The following XYLT1 variants were observed in gnomAD, a reference collection of about 807,000 sequenced individuals.
XYLT1 encodes the protein xylosyltransferase 1, also known as beta-D-xylosyltransferase 1.
In XYLT1, 36 loss-of-function variants were observed where a neutral mutation model predicts 91.3. The ratio of observed to expected loss-of-function variants is 0.39; its 90% CI spans 0.30 to 0.52. The LOEUF is 0.52. Ranked by LOEUF, XYLT1 falls within the 20% of genes least tolerant of loss-of-function variation. The pLI, the probability that XYLT1 is intolerant of heterozygous loss-of-function variation, is 0.68. For synonymous variants in XYLT1, 588 were observed against 532.0 expected, an observed-to-expected ratio of 1.11 and a Z score of -1.45; for missense variants, 1,242 against 1,284.5, an observed-to-expected ratio of 0.97 and a Z score of 0.51.
intron 6 of XYLT1, among the ~76,000 whole-genome samples, chr16:17,145,156 A>G (rs2031099054): frequency 6.6e-6 from 1 of 152,234 alleles, no homozygotes; most frequent in Non-Finnish European, 1.5e-5. Context: ...TTTGCTTCGC[A>G]TAATGTTTTC....
At chr16:17,131,344 A>G (rs1289187813) in intron 9 of XYLT1, among the ~76,000 whole-genome samples, 1 of 152,240 alleles carries the variant, frequency 6.6e-6, no homozygotes, top group Non-Finnish European at 1.5e-5. Context: ...ATCATCATCT[A>G]CAGGAATGCA....
rs1178102941 is a variant in XYLT1 at position 17,425,018 on chromosome 16, AC to A, written c.363+45415del. On this transcript the variant is annotated intron_variant, in intron 1 of 11. Coordinates refer to ENST00000261381, the MANE Select transcript of XYLT1 (RefSeq NM_022166.4). The stretch of plus-strand genomic sequence containing the variant: ...GTAACCTCCTGTGGCATCAGCCTCC[AC>A]CCTTGAACTTGGCTCCAGCCTCATT... Among the ~76,000 whole-genome samples the A allele has an allele frequency of 3.3e-5, 5 of 152,118 alleles. No homozygotes were observed. In the East Asian group the frequency reaches 7.7e-4, roughly 24 times the overall value.
intron 1 of XYLT1, among the ~76,000 whole-genome samples, chr16:17,421,612 T>A (rs186602767): frequency 2.0e-5 from 3 of 152,132 alleles, no homozygotes; most frequent in Admixed American, 2.0e-4. Flanking sequence ...TGATGCTACC[T>A]GGAGAGAAAC....
At chr16:17,470,319 C>T in intron 1 of XYLT1, 115 bp downstream of exon 1, 1 of 1,160,448 alleles carries the variant, frequency 8.6e-7, no homozygotes, top group Non-Finnish European at 1.1e-6. Flanking sequence ...GATGTGGAGT[C>T]GGTAGGCTTG....
intron 3 of XYLT1, among the ~76,000 whole-genome samples, chr16:17,226,303 T>G (rs998107316): frequency 1.3e-5 from 2 of 152,160 alleles, no homozygotes; most frequent in Non-Finnish European, 2.9e-5. Flanking sequence ...GTAGGGACAT[T>G]CAAGGCCACC....
At chr16:17,398,618 A>T (rs1290971810) in intron 1 of XYLT1, among the ~76,000 whole-genome samples, 2 of 152,172 alleles carry the variant, frequency 1.3e-5, no homozygotes, top group Non-Finnish European at 2.9e-5. Context: ...TCTGGAGCCT[A>T]GAAATCTAAG....
Position 17,312,972 on chromosome 16 carries a change from G to T in XYLT1, c.402+45040C>A, listed in dbSNP as rs1253543380. Among the ~76,000 whole-genome samples, 1 of 152,242 alleles carries T rather than the reference G, an allele frequency of 6.6e-6. No homozygotes were observed. The highest frequency in any genetic ancestry group is 1.5e-5 in the Non-Finnish European group (1 of 68,040). On this transcript the variant is annotated intron_variant, in intron 2 of 11. Transcript: ENST00000261381. The surrounding 1 kb of genome is among the most constrained non-coding windows in gnomAD (Gnocchi z 4.4). ...CAAAGAACCGGATCCTCTTGGAAAA[G>T]CTCCCCCTGGCCGGGGCTGAGCAGG...
chr16:17,231,993 T>C (rs924834156), intron 3 of XYLT1, among the ~76,000 whole-genome samples: 2 of 150,864 alleles, frequency 1.3e-5, no homozygotes, highest in Admixed American at 6.6e-5. Context: ...AACTAGTCCA[T>C]AGGAATTTTT....
At chr16:17,193,330 G>T (rs894562884) in intron 5 of XYLT1, 1 of 152,128 alleles carries the variant, frequency 6.6e-6, no homozygotes, top group Non-Finnish European at 1.5e-5. Flanking sequence ...TCCGAAATAG[G>T]CACTAATATT....
At chr16:17,368,602 A>G (rs544949283) in intron 1 of XYLT1, among the ~76,000 whole-genome samples, 167 of 147,214 alleles carry the variant, frequency 1.1e-3, no homozygotes, top group Non-Finnish European at 2.0e-3. Flanking sequence ...AAAAAAAAAA[A>G]ACGACAGGGT....
intron 1 of XYLT1, among the ~76,000 whole-genome samples, chr16:17,456,916 A>G (rs1414885836): frequency 2.0e-5 from 3 of 152,236 alleles, no homozygotes; most frequent in Non-Finnish European, 4.4e-5. Context: ...AGTACAGCAC[A>G]GTGCCTGCCA....
intron 1 of XYLT1, among the ~76,000 whole-genome samples, chr16:17,434,480 G>A (rs1003477166): frequency 3.0e-4 from 45 of 152,276 alleles, no homozygotes; most frequent in African/African-American, 1.0e-3. Context: ...CAATTATTAA[G>A]AAAAGTGAGC....
In XYLT1 at chr16:17,384,617, T is replaced by C. The variant is rs111428135; in HGVS notation, c.364-26567A>G. On this transcript the variant is annotated intron_variant, in intron 1 of 11. Coordinates refer to ENST00000261381, the MANE Select transcript of XYLT1 (RefSeq NM_022166.4). Reference sequence around the variant, plus strand: ...TGAGAGGCACTGTCTACTTCAGATGTGGTGTGGGAGTGCCCAGTCCCCATG... The same window carrying C: ...TGAGAGGCACTGTCTACTTCAGATGCGGTGTGGGAGTGCCCAGTCCCCATG... Among the ~76,000 whole-genome samples the C allele has an allele frequency of 4.7e-4, 72 of 151,982 alleles. 3 individuals carry two copies. The South Asian group carries it at 0.014, about 29-fold the overall frequency.
At chr16:17,300,973 C>T (rs1242496886) in intron 2 of XYLT1, among the ~76,000 whole-genome samples, 1 of 152,064 alleles carries the variant, frequency 6.6e-6, no homozygotes, top group Non-Finnish European at 1.5e-5. Flanking sequence ...TGTTACTTTA[C>T]CTCTCTGGGC....
intron 5 of XYLT1, among the ~76,000 whole-genome samples, chr16:17,185,729 A>G (rs1049877697): frequency 3.0e-4 from 46 of 152,192 alleles, no homozygotes; most frequent in African/African-American, 1.1e-3. Context: ...GGCTGGGTGC[A>G]GTGGCTCACA....
chr16:17,234,280 C>G (rs1247198567), intron 3 of XYLT1, among the ~76,000 whole-genome samples: 1 of 152,198 alleles, frequency 6.6e-6, no homozygotes, highest in Admixed American at 6.5e-5. Flanking sequence ...ACTTCCAACT[C>G]TAGATGTTTC....
intron 2 of XYLT1, among the ~76,000 whole-genome samples, chr16:17,303,779 A>G (rs1255385272): frequency 2.6e-5 from 4 of 152,228 alleles, no homozygotes; most frequent in African/African-American, 9.6e-5. Flanking sequence ...TGGGACCTCA[A>G]TCTAGACAAT....
chr16:17,245,576 A>G (rs1273650832), intron 3 of XYLT1, among the ~76,000 whole-genome samples: 1 of 152,194 alleles, frequency 6.6e-6, no homozygotes, highest in Non-Finnish European at 1.5e-5. Flanking sequence ...TTCAATTTTT[A>G]CCAGAGGGTT....
At chr16:17,149,037 T>C (rs1251993355) in intron 6 of XYLT1, among the ~76,000 whole-genome samples, 2 of 152,240 alleles carry the variant, frequency 1.3e-5, no homozygotes, top group Non-Finnish European at 2.9e-5. Flanking sequence ...CAGCTAAATA[T>C]GATCCTATTG....
Sources: allele counts gnomAD v4.1 joint callset (sites outside exome capture counted in the v4.1 genomes callset), GRCh38; gene constraint gnomAD v4.1.1; non-coding constraint Gnocchi (gnomAD v3.1); transcripts MANE v1.5; gene names NCBI Gene and HGNC (gene_info 2026-07-23, HGNC 2026-07-21).